Variants in KIAA1217 observed in about 807,000 individuals in gnomAD.
The protein encoded by KIAA1217 is sickle tail protein homolog.
In KIAA1217, 88 loss-of-function variants were observed where a neutral mutation model predicts 163.9. That is an observed-to-expected ratio of 0.54 (90% confidence interval 0.45 to 0.64). The LOEUF (loss-of-function observed/expected upper bound fraction) is 0.64, where lower values mean the gene tolerates loss of function less well. KIAA1217 is among the 30% of genes least tolerant of loss of function. The pLI, the probability that KIAA1217 is intolerant of heterozygous loss-of-function variation, is 0.00. For missense variants in KIAA1217, 2,372 were observed against 2,475.0 expected (o/e 0.96, Z 0.88); for synonymous variants, 903 against 923.1 (o/e 0.98, Z 0.39).
chr10:24,242,704 C>G (rs1419055809), intron 2 of KIAA1217, among the ~76,000 whole-genome samples: 1 of 152,168 alleles, frequency 6.6e-6, no homozygotes, highest in Non-Finnish European at 1.5e-5. Context: ...TCACTCCCAC[C>G]AGCAATGTAT....
chr10:23,873,658 G>A (rs1447729323), intron 1 of KIAA1217, among the ~76,000 whole-genome samples: 2 of 151,298 alleles, frequency 1.3e-5, no homozygotes, highest in Non-Finnish European at 2.9e-5. Context: ...GCCCATTGCT[G>A]TTGTCTTTCT....
At chr10:24,396,823 A>G (rs2055822960) in intron 3 of KIAA1217, among the ~76,000 whole-genome samples, 1 of 152,244 alleles carries the variant, frequency 6.6e-6, no homozygotes, top group Non-Finnish European at 1.5e-5. Context: ...TCCACTGGCA[A>G]CATTGGAAAG....
At chr10:23,717,542 A>T (rs1431517521) in intron 1 of KIAA1217, among the ~76,000 whole-genome samples, 1 of 152,136 alleles carries the variant, frequency 6.6e-6, no homozygotes, top group Non-Finnish European at 1.5e-5. Context: ...CTGAAAATAC[A>T]TCCCCTAAGG....
chr10:24,380,042 A>G (rs2053080299), intron 2 of KIAA1217, among the ~76,000 whole-genome samples: 1 of 152,108 alleles, frequency 6.6e-6, no homozygotes, highest in African/African-American at 2.4e-5. Context: ...ACAAGAATGA[A>G]ACGCCATCTC....
At chr10:24,170,019 T>C (rs947100313) in intron 2 of KIAA1217, among the ~76,000 whole-genome samples, 1 of 152,256 alleles carries the variant, frequency 6.6e-6, no homozygotes, top group African/African-American at 2.4e-5. Context: ...GATTGTGTTA[T>C]GTAAGTGCAG....
At chr10:24,540,435 T>C (rs1482929694) in intron 17 of KIAA1217, among the ~76,000 whole-genome samples, 1 of 152,074 alleles carries the variant, frequency 6.6e-6, no homozygotes, top group African/African-American at 2.4e-5. Context: ...GGTTTCACCA[T>C]GTTGGTCAGG....
intron 1 of KIAA1217, among the ~76,000 whole-genome samples, chr10:23,715,071 A>G (rs1837485798): frequency 6.6e-6 from 1 of 152,198 alleles, no homozygotes; most frequent in Non-Finnish European, 1.5e-5. Context: ...ACTGGTTTAC[A>G]AAAGGAACAG....
At chr10:23,983,895 G>A (rs536381538) in intron 1 of KIAA1217, among the ~76,000 whole-genome samples, 1 of 152,204 alleles carries the variant, frequency 6.6e-6, no homozygotes, top group African/African-American at 2.4e-5. Context: ...AAACTAAAAA[G>A]GCAAGTTAAC....
intron 2 of KIAA1217, among the ~76,000 whole-genome samples, chr10:24,377,394 G>T (rs1473303132): frequency 8.5e-5 from 13 of 152,124 alleles, no homozygotes; most frequent in African/African-American, 3.1e-4. Context: ...TTCCTCCTCA[G>T]TTAGGCATAG....
intron 1 of KIAA1217, among the ~76,000 whole-genome samples, chr10:23,720,578 G>A (rs1837825782): frequency 6.6e-6 from 1 of 152,088 alleles, no homozygotes; most frequent in Non-Finnish European, 1.5e-5. Context: ...GGACTGGGAG[G>A]TACAGCCTTA....
intron 3 of KIAA1217, among the ~76,000 whole-genome samples, chr10:24,404,955 G>C (rs916822165): frequency 1.3e-5 from 2 of 152,208 alleles, no homozygotes; most frequent in Non-Finnish European, 2.9e-5. Flanking sequence ...GAACGGATTA[G>C]TAGATGCCAG....
At chr10:24,329,398 T>C (rs2045370879) in intron 2 of KIAA1217, among the ~76,000 whole-genome samples, 1 of 151,916 alleles carries the variant, frequency 6.6e-6, no homozygotes, top group African/African-American at 2.4e-5. Flanking sequence ...TTATACTTAA[T>C]TAATACAAAA....
At chr10:23,919,839 A>C (rs1842786781) in intron 1 of KIAA1217, among the ~76,000 whole-genome samples, 2 of 151,990 alleles carry the variant, frequency 1.3e-5, no homozygotes, top group Admixed American at 1.3e-4. Flanking sequence ...ACGACTGCAA[A>C]ATTCTGCCCC....
rs76996344 is a variant in KIAA1217, at chr10:23,887,810, C to G, written c.-320-119415C>G. 2.6e-3 allele frequency among the ~76,000 whole-genome samples: 395 copies of G among 151,922 alleles called. 2 individuals carry two copies. The highest frequency in any genetic ancestry group is 9.1e-3 in the African/African-American group (376 of 41,498). On this transcript the variant is annotated intron_variant, in intron 1 of 18. Transcript: ENST00000376462. ...TCTCAGCTCACTGCAACCTCCACCC[C>G]CAGAGAACCTGAAATTTTAAAACAA...
intron 2 of KIAA1217, among the ~76,000 whole-genome samples, chr10:24,086,998 C>A (rs554604386): frequency 6.6e-6 from 1 of 152,174 alleles, no homozygotes; most frequent in Non-Finnish European, 1.5e-5. Flanking sequence ...CATCCTCATG[C>A]CCCCATTGTC....
At chr10:24,396,836 AATGTCTGCTT>A in intron 3 of KIAA1217, among the ~76,000 whole-genome samples, 1 of 152,314 alleles carries the variant, frequency 6.6e-6, no homozygotes. Flanking sequence ...TTGGAAAGAG[AATGTCTGCTT>A]CATTGCAGAG....
intron 2 of KIAA1217, among the ~76,000 whole-genome samples, chr10:24,199,647 A>G (rs1409774208): frequency 6.6e-6 from 1 of 152,248 alleles, no homozygotes; most frequent in Non-Finnish European, 1.5e-5. Flanking sequence ...GCAATTTTTA[A>G]CTATGGAATT....
intron 8 of KIAA1217, among the ~76,000 whole-genome samples, chr10:24,498,008 C>G (rs2067029973): frequency 6.6e-6 from 1 of 152,046 alleles, no homozygotes; most frequent in African/African-American, 2.4e-5. Context: ...ATTAGGCCCA[C>G]AGAGACAGAA....
intron 1 of KIAA1217, among the ~76,000 whole-genome samples, chr10:23,721,078 A>G (rs1185032590): frequency 6.6e-6 from 1 of 152,234 alleles, no homozygotes; most frequent in Non-Finnish European, 1.5e-5. Context: ...TGTTTCTTAA[A>G]GCCTATTAAA....
Sources: allele counts gnomAD v4.1 joint callset (sites outside exome capture counted in the v4.1 genomes callset), GRCh38; gene constraint gnomAD v4.1.1; transcripts MANE v1.5; gene names NCBI Gene and HGNC (gene_info 2026-07-23, HGNC 2026-07-21).